Variants in PDE4DIP observed in about 807,000 individuals in gnomAD.
PDE4DIP encodes the protein phosphodiesterase 4D interacting protein.
PDE4DIP carries 59 observed loss-of-function variants against 221.4 expected under a neutral mutation model. The ratio of observed to expected loss-of-function variants is 0.27; its 90% CI spans 0.22 to 0.33. The LOEUF (loss-of-function observed/expected upper bound fraction) is 0.33, where lower values mean the gene tolerates loss of function less well. Among genes scored for constraint, PDE4DIP ranks in the 10% least tolerant of loss-of-function variants. The pLI, the probability that PDE4DIP is intolerant of heterozygous loss-of-function variation, is 1.00. For synonymous variants in PDE4DIP, 404 were observed against 815.9 expected (o/e 0.50, Z 8.60); for missense variants, 1,036 against 2,154.2 (o/e 0.48, Z 10.28).
chr1:148,850,880 G>GTT (rs1678844120), intron 1 of PDE4DIP, among the ~76,000 whole-genome samples: 1 of 103,598 alleles, frequency 9.7e-6, no homozygotes, highest in African/African-American at 3.1e-5. Context: ...GTACTTAACA[G>GTT]ATCTCCATTG....
chr1:149,017,948 T>C, intron 34 of PDE4DIP, 69 bp downstream of exon 37: 1 of 1,435,824 alleles, frequency 7.0e-7, no homozygotes, highest in Non-Finnish European at 9.7e-7. Flanking sequence ...TTCACAGATA[T>C]TCTTTACTTC....
intron 5 of PDE4DIP, among the ~76,000 whole-genome samples, chr1:148,938,612 A>G (rs1253274711): frequency 6.6e-6 from 1 of 152,278 alleles, no homozygotes; most frequent in Non-Finnish European, 1.5e-5. Flanking sequence ...GCCGAAGTAC[A>G]CAAACTATGG....
intron 30 of PDE4DIP, among the ~76,000 whole-genome samples, chr1:149,009,992 G>T (rs1553603726): frequency 1.3e-5 from 2 of 152,212 alleles, no homozygotes; most frequent in East Asian, 3.8e-4. Flanking sequence ...GCCTCCATGG[G>T]CACGTACAAG....
At chr1:148,954,166 A>G (rs1191948077) in intron 5 of PDE4DIP, among the ~76,000 whole-genome samples, 1 of 152,214 alleles carries the variant, frequency 6.6e-6, no homozygotes, top group African/African-American at 2.4e-5. Flanking sequence ...AAAAAGGTAA[A>G]GATTCCTACT....
At chr1:148,982,928 CAG>C (rs2061347923) in intron 21 of PDE4DIP, 1 of 151,992 alleles carries the variant, frequency 6.6e-6, no homozygotes, top group East Asian at 1.9e-4. Context: ...CTAGAGTGGA[CAG>C]GGAGAAAATG....
chr1:148,972,711 A>T, intron 16 of PDE4DIP, 119 bp downstream of exon 19: 1 of 522,976 alleles, frequency 1.9e-6, no homozygotes, highest in Non-Finnish European at 3.4e-6. Flanking sequence ...AATAGAACAA[A>T]TAAGTTTGGA....
At position 148,962,651 on chromosome 1, in the gene PDE4DIP, A is replaced by C; in HGVS notation, c.1194+11A>C. 3.5e-6 allele frequency: 2 copies of C among 567,018 alleles called. No individual in the cohort carries two copies. The highest frequency in any genetic ancestry group is 5.7e-5 in the East Asian group (2 of 35,388). The allele number at this position is 567,018 out of a possible 1,614,324, so 35.1% of individuals were successfully genotyped here. On this transcript the variant is annotated intron_variant, in intron 9 of 43. Transcript: ENST00000369354. Reference sequence around the variant, plus strand: ...TGGAAACATAACCAGGTAAATCATTAACTATTTTATTGCCCTAAATGCTGA... The same window carrying C: ...TGGAAACATAACCAGGTAAATCATTCACTATTTTATTGCCCTAAATGCTGA...
chr1:149,025,319 C>T (rs1204249291), intron 38 of PDE4DIP, among the ~76,000 whole-genome samples: 2 of 152,084 alleles, frequency 1.3e-5, no homozygotes, highest in East Asian at 4.0e-4. Flanking sequence ...CCCAGATTCT[C>T]TAGTCCCCCT....
chr1:149,001,033 C>T (rs587688366), intron 23 of PDE4DIP, among the ~76,000 whole-genome samples: 1 of 151,778 alleles, frequency 6.6e-6, no homozygotes, highest in African/African-American at 2.4e-5. Flanking sequence ...ATGAATAGGA[C>T]AGACACAGTC....
chr1:148,951,567 T>C (rs2053252836), intron 5 of PDE4DIP, among the ~76,000 whole-genome samples: 2 of 152,254 alleles, frequency 1.3e-5, no homozygotes, highest in African/African-American at 4.8e-5. Context: ...CGCTAGTGTT[T>C]GTCTACCGTC....
chr1:148,969,707 C>CTT (rs66883683), intron 14 of PDE4DIP, among the ~76,000 whole-genome samples: 36 of 135,014 alleles, frequency 2.7e-4, no homozygotes, highest in African/African-American at 7.6e-4. Context: ...GAAGTAAATT[C>CTT]TTTTTTTTTT....
At chr1:148,981,997 G>A (rs1553543876) in intron 21 of PDE4DIP, 1 of 155,732 alleles carries the variant, frequency 6.4e-6, no homozygotes, top group East Asian at 1.9e-4. Context: ...CAGGAGAGTA[G>A]TCTTGTAATA....
chr1:148,933,802 A>C (rs1286793248), intron 4 of PDE4DIP, among the ~76,000 whole-genome samples: 1 of 151,814 alleles, frequency 6.6e-6, no homozygotes, highest in East Asian at 1.9e-4. Flanking sequence ...TTATGATGTA[A>C]CCTCTGATTT....
At chr1:149,029,711 A>G in intron 41 of PDE4DIP, 76 bp from the exon 45 acceptor site, 2 of 770,692 alleles carry the variant, frequency 2.6e-6, no homozygotes, top group Non-Finnish European at 4.4e-6. Flanking sequence ...TCCTTCTTTG[A>G]ATTGGAAAGA....
intron 19 of PDE4DIP, 26 bp from the exon 23 acceptor site, chr1:148,979,711 T>C: frequency 1.2e-6 from 2 of 1,605,034 alleles, no homozygotes; most frequent in Non-Finnish European, 1.7e-6. Flanking sequence ...CATTTGCGTA[T>C]TGCTTCCTCT....
At chr1:149,016,205 T>C in intron 32 of PDE4DIP, 94 bp from the exon 36 acceptor site, 1 of 737,762 alleles carries the variant, frequency 1.4e-6, no homozygotes. Flanking sequence ...ACATGTCTCC[T>C]TTTAGTCTCT....
chr1:149,030,874 T>G (rs1434633421), intron 43 of PDE4DIP: 1 of 657,646 alleles, frequency 1.5e-6, no homozygotes, highest in Admixed American at 6.4e-5. Flanking sequence ...CCAGACATTA[T>G]CTACATTTAC....
rs77892208 is a variant in PDE4DIP, at chr1:148,822,436, G to A, written c.233+13699G>A. On this transcript the variant is annotated intron_variant, in intron 1 of 45. Transcript: ENST00000524974. ...AGCTGCATTCAATTCTCATAGGAAC[G>A]GGAACCCTATTGTGAACTGGGCATA... Among the ~76,000 whole-genome samples the A allele has an allele frequency of 0.011, 1,537 of 142,826 alleles. No homozygotes were observed. The East Asian group carries it at 0.13, about 12-fold the overall frequency. 93.7% of individuals were successfully genotyped at this position (142,826 alleles called of 152,430 possible).
At chr1:148,978,993 T>C (rs1553540050) in intron 19 of PDE4DIP, among the ~76,000 whole-genome samples, 1 of 151,442 alleles carries the variant, frequency 6.6e-6, no homozygotes, top group African/African-American at 2.4e-5. Flanking sequence ...ACTGAATCTT[T>C]CTCTTTTATC....
Sources: allele counts gnomAD v4.1 joint callset (sites outside exome capture counted in the v4.1 genomes callset), GRCh38; gene constraint gnomAD v4.1.1; transcripts MANE v1.5; gene names NCBI Gene and HGNC (gene_info 2026-07-23, HGNC 2026-07-21).